NFILZ: variants seen among roughly 807,000 people sequenced by gnomAD.
NFILZ encodes NFIL3 like protein.
chr19:8,676,638 A>G (rs781858661), intron 5 of NFILZ, among the ~76,000 whole-genome samples, 113 bp from the exon 6 acceptor site: 3 of 152,228 alleles, frequency 2.0e-5, no homozygotes, highest in Non-Finnish European at 4.4e-5. Flanking sequence ...GCTCAGTTCC[A>G]ACTCCACCTG....
At chr19:8,640,812 A>T (rs781902947) in intron 3 of NFILZ, among the ~76,000 whole-genome samples, 3 of 152,146 alleles carry the variant, frequency 2.0e-5, no homozygotes, top group African/African-American at 4.8e-5. Flanking sequence ...AGCACCTTGC[A>T]AGGGGCAGGG....
At chr19:8,659,477 C>T (rs1009826063) in intron 3 of NFILZ, among the ~76,000 whole-genome samples, 6 of 151,832 alleles carry the variant, frequency 4.0e-5, no homozygotes, top group Admixed American at 2.6e-4. Context: ...CGAGGCCCTG[C>T]GGTGACTCCG....
chr19:8,648,581 G>A (rs2146145423), intron 3 of NFILZ, among the ~76,000 whole-genome samples: 1 of 152,238 alleles, frequency 6.6e-6, no homozygotes, highest in Admixed American at 6.5e-5. Flanking sequence ...TCTTTGGGAG[G>A]CCGAGGCTGG....
intron 2 of NFILZ, among the ~76,000 whole-genome samples, chr19:8,633,938 CCTTCCTTCCCTCCCTTCTTTCCT>C (rs1555745834): frequency 7.1e-6 from 1 of 140,804 alleles, no homozygotes; most frequent in African/African-American, 2.7e-5. Flanking sequence ...TTCCTTCCTT[CCTTCCTTCCCTCCCTTCTTTCCT>C]TCTCTCTCTC....
At chr19:8,653,053 T>TCC in intron 3 of NFILZ, among the ~76,000 whole-genome samples, 1 of 106,754 alleles carries the variant, frequency 9.4e-6, no homozygotes, top group Non-Finnish European at 2.0e-5. Flanking sequence ...TCTCTCTCTC[T>TCC]CTCTCTCTCT....
At chr19:8,654,200 C>T (rs1435290666) in intron 3 of NFILZ, among the ~76,000 whole-genome samples, 2 of 151,954 alleles carry the variant, frequency 1.3e-5, no homozygotes, top group African/African-American at 2.4e-5. Context: ...TCATTGCACT[C>T]CAGCCTGGGC....
At chr19:8,662,353 G>A (rs1320687822) in intron 3 of NFILZ, among the ~76,000 whole-genome samples, 1 of 152,074 alleles carries the variant, frequency 6.6e-6, no homozygotes, top group Non-Finnish European at 1.5e-5. Context: ...GGTCAGGGGA[G>A]GCTTGCTGAG....
intron 3 of NFILZ, among the ~76,000 whole-genome samples, chr19:8,665,328 C>G (rs1228646733): frequency 1.3e-5 from 2 of 151,982 alleles, no homozygotes; most frequent in South Asian, 2.1e-4. Context: ...GGTGAGGGAC[C>G]ATTCTTTCAT....
intron 3 of NFILZ, among the ~76,000 whole-genome samples, chr19:8,644,155 C>G (rs972633215): frequency 5.9e-5 from 9 of 152,224 alleles, no homozygotes; most frequent in African/African-American, 1.9e-4. Context: ...GGCAGGAGTG[C>G]AGTGGTATGG....
chr19:8,652,832 C>T (rs1327936878), intron 3 of NFILZ, among the ~76,000 whole-genome samples: 1 of 145,088 alleles, frequency 6.9e-6, no homozygotes, highest in Non-Finnish European at 1.5e-5. Context: ...TTCTTTCTCA[C>T]TTTCTCTTTC....
At chr19:8,663,589 C>T (rs978468649) in intron 3 of NFILZ, among the ~76,000 whole-genome samples, 1 of 151,548 alleles carries the variant, frequency 6.6e-6, no homozygotes, top group Non-Finnish European at 1.5e-5. Context: ...GTTTTGGCCA[C>T]GTTGAGTATT....
chr19:8,644,401 A>G (rs1276238128), intron 3 of NFILZ, among the ~76,000 whole-genome samples: 1 of 152,040 alleles, frequency 6.6e-6, no homozygotes, highest in African/African-American at 2.4e-5. Context: ...GTAGCTGGTA[A>G]TAGGGTCAAC....
At chr19:8,655,824 C>T (rs937608323) in intron 3 of NFILZ, among the ~76,000 whole-genome samples, 5 of 151,984 alleles carry the variant, frequency 3.3e-5, no homozygotes, top group Admixed American at 6.6e-5. Flanking sequence ...TGTCTTGGAG[C>T]TCTCCATGCT....
intron 3 of NFILZ, among the ~76,000 whole-genome samples, chr19:8,659,423 G>A (rs1478934547): frequency 2.0e-5 from 3 of 152,046 alleles, no homozygotes; most frequent in Non-Finnish European, 2.9e-5. Flanking sequence ...AGAGGAATTA[G>A]GGGAGAGGAG....
chr19:8,636,489 G>C (rs2042895391), intron 3 of NFILZ, among the ~76,000 whole-genome samples: 1 of 138,736 alleles, frequency 7.2e-6, no homozygotes, highest in Non-Finnish European at 1.5e-5. Flanking sequence ...CTGTCGCCCA[G>C]GCTGGAGTTC....
At chr19:8,637,058 T>G (rs1317594195) in intron 3 of NFILZ, among the ~76,000 whole-genome samples, 1 of 152,012 alleles carries the variant, frequency 6.6e-6, no homozygotes, top group Non-Finnish European at 1.5e-5. Context: ...TCTAACCAAA[T>G]CCTTGCCTAG....
rs1295404937 is a variant in NFILZ at position 8,679,312 on chromosome 19, G to A, written c.*1677G>A. Reference sequence around the variant, plus strand: ...TATTATTATTATTATTATTACATCAGGGATCTTGTTAGATTCTAGATAAAA... The same window carrying A: ...TATTATTATTATTATTATTACATCAAGGATCTTGTTAGATTCTAGATAAAA... On this transcript the variant is annotated 3_prime_UTR_variant, in exon 6 of 6. Coordinates refer to ENST00000691075, the MANE Select transcript of NFILZ (RefSeq NM_001378600.1). Among the ~76,000 whole-genome samples, 1 of 143,188 alleles carries A rather than the reference G, an allele frequency of 7.0e-6. No individual in the cohort carries two copies. Among genetic ancestry groups the A allele is most frequent in the South Asian group, 2.1e-4 (1 of 4,728 alleles). 93.9% of individuals were successfully genotyped at this position (143,188 alleles called of 152,430 possible).
chr19:8,652,853 T>C (rs2042970454), intron 3 of NFILZ, among the ~76,000 whole-genome samples: 1 of 149,268 alleles, frequency 6.7e-6, no homozygotes, highest in African/African-American at 2.5e-5. Context: ...TTTCTTTCCT[T>C]TTCTTTCTTT....
chr19:8,656,370 C>CTCTCTGAAGCCCACCTCT (rs2042997697), intron 3 of NFILZ, among the ~76,000 whole-genome samples: 6 of 62,718 alleles, frequency 9.6e-5, no homozygotes, highest in African/African-American at 2.7e-4. Context: ...AGCCCACCTT[C>CTCTCTGAAGCCCACCTCT]TCCCTGAAGC....
Sources: gnomAD v4.1 joint callset for allele counts (sites outside exome capture counted in the v4.1 genomes callset) on GRCh38, gnomAD v4.1.1 for gene constraint, MANE v1.5 for transcripts, NCBI Gene and HGNC (gene_info 2026-07-23, HGNC 2026-07-21) for gene names.